Variants in TRDN observed in about 807,000 individuals in gnomAD.
TRDN encodes triadin in skeletal muscle.
Under a neutral mutation model 149.7 loss-of-function variants are expected in TRDN, and 161 were observed. The observed-to-expected ratio is 1.08, with a 90% CI of 0.95 to 1.23. The LOEUF is 1.23. Ranked by LOEUF, TRDN falls within the 50% of genes most tolerant of loss-of-function variation. The pLI, the probability that TRDN is intolerant of heterozygous loss-of-function variation, is 0.00. For synonymous variants in TRDN, 294 were observed against 250.5 expected, an observed-to-expected ratio of 1.17 and a Z score of -1.64; for missense variants, 896 against 823.5, an observed-to-expected ratio of 1.09 and a Z score of -1.08.
intron 1 of TRDN, among the ~76,000 whole-genome samples, chr6:123,587,650 A>C (rs1331983285): frequency 2.0e-5 from 3 of 152,114 alleles, no homozygotes; most frequent in Admixed American, 6.5e-5. Flanking sequence ...GCTTTGTGTG[A>C]GCAATAAAGC....
chr6:123,366,499 T>C (rs1781104890), intron 19 of TRDN, among the ~76,000 whole-genome samples: 1 of 152,212 alleles, frequency 6.6e-6, no homozygotes, highest in African/African-American at 2.4e-5. Context: ...TTCAATACAA[T>C]GGGATACTAA....
At chr6:123,278,946 C>T in intron 25 of TRDN, 110 bp downstream of exon 25, 2 of 1,037,594 alleles carry the variant, frequency 1.9e-6, no homozygotes, top group Non-Finnish European at 2.7e-6. Flanking sequence ...TGACTTTAAG[C>T]AAAATATTCA....
rs1287106645 is a variant in TRDN at position 123,348,545 on chromosome 6, A to G, written c.1369+3994T>C. Among the ~76,000 whole-genome samples the G allele has an allele frequency of 5.3e-5, 8 of 152,184 alleles. No individual in the cohort carries two copies. The East Asian group carries it at 1.4e-3, about 26-fold the overall frequency. Reference sequence around the variant, plus strand: ...TTTTCATAATTAGGCCTGTAGTGGAAAGCTAATCTGTAAATAAAAGAAGAA... The same window carrying G: ...TTTTCATAATTAGGCCTGTAGTGGAGAGCTAATCTGTAAATAAAAGAAGAA... On this transcript the variant is annotated intron_variant, in intron 21 of 40. Transcript: ENST00000334268.
intron 36 of TRDN, 45 bp downstream of exon 36, chr6:123,255,822 G>T: frequency 8.1e-7 from 1 of 1,240,266 alleles, no homozygotes; most frequent in Non-Finnish European, 1.1e-6. Flanking sequence ...AAATATTTTA[G>T]CTTCAGGGCT....
intron 5 of TRDN, 109 bp downstream of exon 5, chr6:123,530,393 GTTAT>G (rs1780184865): frequency 2.0e-6 from 1 of 505,738 alleles, no homozygotes; most frequent in Non-Finnish European, 3.0e-6. Flanking sequence ...AGTAAATTTA[GTTAT>G]TTAATATCAA....
intron 20 of TRDN, among the ~76,000 whole-genome samples, 192 bp downstream of exon 20, chr6:123,365,943 C>G (rs183668346): frequency 2.5e-4 from 38 of 152,048 alleles, no homozygotes; most frequent in Admixed American, 2.5e-3. Context: ...AATTTATGGT[C>G]CTAAAGGAAT....
intron 12 of TRDN, among the ~76,000 whole-genome samples, chr6:123,397,335 C>T (rs2114473525): frequency 6.6e-6 from 1 of 152,146 alleles, no homozygotes; most frequent in Middle Eastern, 3.4e-3. Flanking sequence ...ATTGACAATA[C>T]CCAGCCCACT....
At chr6:123,254,064 G>T (rs139830764) in intron 37 of TRDN, among the ~76,000 whole-genome samples, 1 of 152,006 alleles carries the variant, frequency 6.6e-6, no homozygotes, top group Admixed American at 6.6e-5. Context: ...TTTAAACTGG[G>T]CATGATAATT....
intron 12 of TRDN, among the ~76,000 whole-genome samples, chr6:123,428,002 C>G (rs78956329): frequency 0.019 from 2,967 of 152,162 alleles, 101 homozygotes; most frequent in African/African-American, 0.067. Context: ...TTGTGTTATT[C>G]TCTAAATAAA....
intron 23 of TRDN, among the ~76,000 whole-genome samples, chr6:123,327,418 A>G (rs1779499242): frequency 6.6e-6 from 1 of 152,150 alleles, no homozygotes; most frequent in African/African-American, 2.4e-5. Flanking sequence ...TATTTTTTAT[A>G]TGAATCTATA....
At chr6:123,496,392 ATAGT>A (rs1187059839) in intron 9 of TRDN, among the ~76,000 whole-genome samples, 2 of 151,920 alleles carry the variant, frequency 1.3e-5, no homozygotes, top group African/African-American at 4.8e-5. Context: ...TTTCACAAAA[ATAGT>A]TAAGAAAATA....
At chr6:123,301,691 C>T (rs181416033) in intron 24 of TRDN, among the ~76,000 whole-genome samples, 18 of 130,748 alleles carry the variant, frequency 1.4e-4, no homozygotes, top group Non-Finnish European at 2.5e-4. Context: ...ATTTATTGTA[C>T]GTTTTCTTGT....
At chr6:123,326,242 A>C (rs766050310) in intron 23 of TRDN, among the ~76,000 whole-genome samples, 6 of 152,118 alleles carry the variant, frequency 3.9e-5, no homozygotes, top group Admixed American at 6.6e-5. Context: ...TCTCCAACCC[A>C]AATATTTTTT....
At chr6:123,418,078 G>A (rs1773730332) in intron 12 of TRDN, among the ~76,000 whole-genome samples, 1 of 152,102 alleles carries the variant, frequency 6.6e-6, no homozygotes. Context: ...AAATGAAAGT[G>A]GGATTCAGAC....
At chr6:123,474,397 C>A (rs1777352981) in intron 9 of TRDN, among the ~76,000 whole-genome samples, 1 of 152,060 alleles carries the variant, frequency 6.6e-6, no homozygotes, top group Non-Finnish European at 1.5e-5. Context: ...ATATATGCAC[C>A]CAATACAGGA....
intron 23 of TRDN, among the ~76,000 whole-genome samples, chr6:123,326,728 A>T (rs1779470699): frequency 6.6e-6 from 1 of 152,064 alleles, no homozygotes; most frequent in Admixed American, 6.6e-5. Flanking sequence ...TACTGATTAC[A>T]AATATCACCC....
intron 24 of TRDN, among the ~76,000 whole-genome samples, chr6:123,296,320 T>C (rs1778194644): frequency 1.3e-5 from 2 of 152,288 alleles, no homozygotes; most frequent in South Asian, 4.1e-4. Flanking sequence ...GAAAGAACCA[T>C]CCGACAGGCA....
At chr6:123,374,916 G>A (rs774943855) in intron 19 of TRDN, among the ~76,000 whole-genome samples, 54 of 152,182 alleles carry the variant, frequency 3.5e-4, no homozygotes, top group South Asian at 1.2e-3. Flanking sequence ...TTGATGTCAC[G>A]CATAGAACTG....
chr6:123,282,417 C>A (rs568341851), intron 24 of TRDN, among the ~76,000 whole-genome samples: 1 of 151,810 alleles, frequency 6.6e-6, no homozygotes, highest in African/African-American at 2.4e-5. Flanking sequence ...ATTTAATAAT[C>A]TTTCTGATCC....
Sources: gnomAD v4.1 joint callset for allele counts (sites outside exome capture counted in the v4.1 genomes callset) on GRCh38, gnomAD v4.1.1 for gene constraint, MANE v1.5 for transcripts, NCBI Gene and HGNC (gene_info 2026-07-23, HGNC 2026-07-21) for gene names.